Variants in CRYBG1 observed in about 807,000 individuals in gnomAD.
CRYBG1 encodes crystallin beta-gamma domain containing 1.
A neutral mutation model predicts 189.2 loss-of-function variants in CRYBG1; 139 were observed. The observed-to-expected ratio is 0.73, with a 90% CI of 0.64 to 0.85. The LOEUF (loss-of-function observed/expected upper bound fraction) is 0.85. CRYBG1 is among the 40% of genes least tolerant of loss of function. CRYBG1 has a pLI of 0.00. For synonymous variants in CRYBG1, 1,023 were observed against 1,017.1 expected (o/e 1.01, Z -0.11); for missense variants, 2,611 against 2,675.8 (o/e 0.98, Z 0.53).
intron 10 of CRYBG1, among the ~76,000 whole-genome samples, 197 bp from the exon 11 acceptor site, chr6:106,543,243 T>G (rs1051226996): frequency 2.0e-5 from 3 of 152,178 alleles, no homozygotes; most frequent in Non-Finnish European, 4.4e-5. Flanking sequence ...TTGGCCAGGC[T>G]GGTCTCGAAC....
At chr6:106,428,995 C>T (rs1395156106) in intron 1 of CRYBG1, among the ~76,000 whole-genome samples, 1 of 152,226 alleles carries the variant, frequency 6.6e-6, no homozygotes, top group African/African-American at 2.4e-5. Flanking sequence ...ACAACCCAAG[C>T]TGCTGTTCAC....
chr6:106,505,931 T>TA lies in CRYBG1; in HGVS notation c.313-5489dup, dbSNP rs796364240. Among the ~76,000 whole-genome samples, 1,269 of 149,818 alleles carry TA rather than the reference T, an allele frequency of 8.5e-3. 17 individuals carry two copies. Among genetic ancestry groups the TA allele is most frequent in the African/African-American group, 0.029 (1,206 of 40,908 alleles). On this transcript the variant is annotated intron_variant, in intron 2 of 21. Coordinates refer to ENST00000633556, the MANE Select transcript of CRYBG1 (RefSeq NM_001371242.2). The stretch of plus-strand genomic sequence containing the variant: ...GAGCTCTTAGGGAATCACACGTGTT[T>TA]AAAAAAAAAAGTTACTTTTGTACAT...
chr6:106,366,317 C>T (rs1771997884), intron 1 of CRYBG1, among the ~76,000 whole-genome samples: 1 of 152,026 alleles, frequency 6.6e-6, no homozygotes. Context: ...TTTCCTTATA[C>T]TAAAGGAAAG....
At chr6:106,438,658 A>C (rs1733231873) in intron 1 of CRYBG1, among the ~76,000 whole-genome samples, 3 of 152,188 alleles carry the variant, frequency 2.0e-5, no homozygotes, top group African/African-American at 7.2e-5. Context: ...TAAGCAGAGA[A>C]TCAAAGTTTT....
chr6:106,453,381 A>T (rs1195250754), intron 2 of CRYBG1, among the ~76,000 whole-genome samples: 1 of 152,236 alleles, frequency 6.6e-6, no homozygotes, highest in Non-Finnish European at 1.5e-5. Flanking sequence ...ACATTTTATA[A>T]GATATTGAAT....
intron 1 of CRYBG1, among the ~76,000 whole-genome samples, chr6:106,363,229 G>A (rs1385507559): frequency 8.7e-6 from 1 of 114,754 alleles, no homozygotes; most frequent in Non-Finnish European, 1.7e-5. Flanking sequence ...GGGCGACAGA[G>A]CGAAACTCCG....
chr6:106,520,109 C>T lies in CRYBG1; in HGVS notation c.2901C>T (p.Thr967=). The T allele has an allele frequency of 6.2e-7, 1 of 1,613,938 alleles. No individual in the cohort carries two copies. The highest frequency in any genetic ancestry group is 8.5e-7 in the Non-Finnish European group (1 of 1,179,988). ...CCTTCGTGCTCCCCGTGGAGAGCAC[C>T]CAGGATGTGAGCTCCCAGGTCATCC... ...VRSFVLPVES[T]QDVSSQVIPE... The change falls in exon 4 of 22, where the codon ACC becomes ACT. Residue 967 remains threonine (T), a synonymous_variant. Coordinates refer to ENST00000633556, the MANE Select transcript of CRYBG1 (RefSeq NM_001371242.2).
intron 1 of CRYBG1, among the ~76,000 whole-genome samples, chr6:106,376,642 G>T (rs189038758): frequency 1.3e-4 from 20 of 152,150 alleles, no homozygotes; most frequent in African/African-American, 3.6e-4. Context: ...TTATGCTTAG[G>T]GGGTAGTAGA....
intron 1 of CRYBG1, among the ~76,000 whole-genome samples, chr6:106,434,990 A>T (rs928130581): frequency 2.6e-5 from 4 of 152,216 alleles, no homozygotes; most frequent in African/African-American, 9.7e-5. Context: ...GATCACTGAA[A>T]AACCAAACAA....
chr6:106,555,975 G>A (rs1211452523), intron 17 of CRYBG1, 78 bp downstream of exon 17: 4 of 1,526,702 alleles, frequency 2.6e-6, no homozygotes, highest in East Asian at 4.5e-5. Context: ...TAACCAGCCG[G>A]TAGAACCTGC....
intron 8 of CRYBG1, among the ~76,000 whole-genome samples, chr6:106,536,303 C>A (rs1774003417): frequency 6.6e-6 from 1 of 152,194 alleles, no homozygotes; most frequent in Non-Finnish European, 1.5e-5. Flanking sequence ...GTGGCATGTG[C>A]TAACTAGCTT....
At chr6:106,527,275 A>T in intron 6 of CRYBG1, 30 bp from the exon 7 acceptor site, 3 of 1,589,940 alleles carry the variant, frequency 1.9e-6, no homozygotes, top group Non-Finnish European at 2.6e-6. Flanking sequence ...ACGAAGACTG[A>T]CTAATGGTTT....
chr6:106,422,051 G>A (rs1234612795), intron 1 of CRYBG1, among the ~76,000 whole-genome samples: 1 of 152,136 alleles, frequency 6.6e-6, no homozygotes, highest in Non-Finnish European at 1.5e-5. Context: ...GATGAAATTT[G>A]GGTGGGGACA....
At chr6:106,556,665 G>A (rs988298343) in intron 17 of CRYBG1, among the ~76,000 whole-genome samples, 8 of 152,122 alleles carry the variant, frequency 5.3e-5, no homozygotes, top group African/African-American at 1.2e-4. Flanking sequence ...AGTATCTGTC[G>A]TTTCTGACAT....
rs190828151 is a variant in CRYBG1, at chr6:106,395,473, C to T, written c.173+34392C>T. On this transcript the variant is annotated intron_variant, in intron 1 of 21. Coordinates refer to ENST00000633556, the MANE Select transcript of CRYBG1 (RefSeq NM_001371242.2). ...AGTTTTTCCTTTTTTAACATATATT[C>T]GTTTTTCAAATAAATATGTATGTAT... is the stretch of plus-strand genomic sequence containing the variant. Among the ~76,000 whole-genome samples the T allele has an allele frequency of 2.2e-3, 327 of 151,608 alleles. 1 individual carries two copies. The highest frequency in any genetic ancestry group is 5.3e-3 in the Admixed American group (80 of 15,238).
intron 2 of CRYBG1, among the ~76,000 whole-genome samples, chr6:106,465,977 T>C (rs946460586): frequency 4.6e-5 from 7 of 152,230 alleles, no homozygotes; most frequent in Non-Finnish European, 7.3e-5. Flanking sequence ...AATATCTAGA[T>C]TCATCCCTTC....
chr6:106,360,805 G>A lies in CRYBG1; in HGVS notation c.-104G>A, dbSNP rs1771850849. The A allele has an allele frequency of 7.5e-7, 1 of 1,339,500 alleles. No homozygotes were observed. The highest frequency in any genetic ancestry group is 1.5e-5 in the African/African-American group (1 of 64,888). The allele number at this position is 1,339,500 out of a possible 1,614,324, so 83.0% of individuals were successfully genotyped here. ...ACGAGGGGGCGGGGTCCCACGGCGC[G>A]CTGAGAAAGGCGGGCGAGCTGGCGC... On this transcript the variant is annotated 5_prime_UTR_variant, in exon 1 of 22. Coordinates refer to ENST00000633556, the MANE Select transcript of CRYBG1 (RefSeq NM_001371242.2).
chr6:106,383,295 G>A (rs927403018), intron 1 of CRYBG1, among the ~76,000 whole-genome samples: 18 of 152,130 alleles, frequency 1.2e-4, no homozygotes, highest in African/African-American at 4.1e-4. Flanking sequence ...ATAAGTAGTC[G>A]TTAAAGTTTG....
chr6:106,557,250 C>T (rs1346786029), intron 17 of CRYBG1, among the ~76,000 whole-genome samples: 2 of 152,166 alleles, frequency 1.3e-5, no homozygotes, highest in South Asian at 4.1e-4. Flanking sequence ...TCCTAGACCA[C>T]ACAAACTACT....
Sources: allele counts gnomAD v4.1 joint callset (sites outside exome capture counted in the v4.1 genomes callset), GRCh38; gene constraint gnomAD v4.1.1; transcripts MANE v1.5; gene names NCBI Gene and HGNC (gene_info 2026-07-23, HGNC 2026-07-21).